MIIP: variants seen among roughly 807,000 people sequenced by gnomAD.
MIIP encodes the protein migration and invasion inhibitory protein.
In MIIP, 44 loss-of-function variants were observed where a neutral mutation model predicts 44.8. The observed-to-expected ratio is 0.98, with a 90% CI of 0.77 to 1.26. The LOEUF is 1.26. MIIP is among the 50% of genes most tolerant of loss of function. The probability of loss-of-function intolerance (pLI) is 0.00; values close to 1 mark genes in which losing one functional copy is unlikely to be tolerated. For missense variants in MIIP, 496 were observed against 511.7 expected (o/e 0.97, Z 0.30); for synonymous variants, 225 against 218.3 (o/e 1.03, Z -0.27).
Position 12,029,893 on chromosome 1 carries a change from A to G in MIIP, c.844A>G (p.Arg282Gly). 6.2e-7 allele frequency: 1 copy of G among 1,612,704 alleles called. No individual in the cohort carries two copies. The highest frequency in any genetic ancestry group is 8.5e-7 in the Non-Finnish European group (1 of 1,179,214). The part of the protein sequence containing the change: ...PGTLAQPAHV[R>G]VSIPLSILEP... The stretch of plus-strand genomic sequence containing the variant: ...GACCCTGGCGCAGCCAGCGCACGTC[A>G]GGTGAGTGACCAGAGTATTGGGACA... Residue 282 changes from arginine (R) to glycine (G), a missense_variant and splice_region_variant, in exon 7 of 10, where the codon AGG (arginine) becomes GGG (glycine). Arg to Gly is a moderately radical substitution (Grantham distance 125). Coordinates refer to ENST00000235332, the MANE Select transcript of MIIP (RefSeq NM_021933.4).
At chr1:12,024,778 A>T (rs1484378709) in intron 4 of MIIP, among the ~76,000 whole-genome samples, 1 of 152,196 alleles carries the variant, frequency 6.6e-6, no homozygotes, top group Non-Finnish European at 1.5e-5. Flanking sequence ...AGCTATCATT[A>T]CTACCATCCA....
In MIIP at chr1:12,031,379, C is replaced by G. The variant is rs368741940; in HGVS notation, c.1056C>G (p.Ser352=). 2 of 1,613,696 alleles carry G rather than the reference C, an allele frequency of 1.2e-6. No homozygotes were observed. The highest frequency in any genetic ancestry group is 3.3e-5 in the Admixed American group (2 of 59,976). Residue 352 remains serine (S), a synonymous_variant, in exon 9 of 10, where the codon TCC becomes TCG. Coordinates refer to ENST00000235332, the MANE Select transcript of MIIP (RefSeq NM_021933.4). ...VSAEAQHQKL[S]GTSSPFHPAS... The stretch of plus-strand genomic sequence containing the variant: ...CTGAGGCCCAGCACCAGAAGCTGTC[C>G]GGCACCAGCAGCCCTTTTCACCCGG...
Position 12,029,014 on chromosome 1 carries a change from G to A in MIIP, c.548-19G>A, listed in dbSNP as rs935741896. On this transcript the variant is annotated intron_variant, in intron 4 of 9. Coordinates refer to ENST00000235332, the MANE Select transcript of MIIP (RefSeq NM_021933.4). ...CCAGCCCCTCTCCCGTCAGCTGCCT[G>A]GTGCTTTGCCCACACCAGGGTCTCT... The A allele has an allele frequency of 3.7e-6, 6 of 1,601,396 alleles. No individual in the cohort carries two copies. In the African/African-American group the frequency reaches 8.0e-5, roughly 21 times the overall value.
intron 4 of MIIP, 140 bp downstream of exon 4, chr1:12,023,057 C>CTAT: frequency 3.8e-6 from 2 of 522,128 alleles, no homozygotes; most frequent in Non-Finnish European, 6.6e-6. Flanking sequence ...GGGGAGCACC[C>CTAT]TCTTTTTTTT....
chr1:12,023,777 C>T (rs1478213064), intron 4 of MIIP, among the ~76,000 whole-genome samples: 1 of 151,530 alleles, frequency 6.6e-6, no homozygotes, highest in Non-Finnish European at 1.5e-5. Flanking sequence ...GGGCGGATCA[C>T]GAGGTCAGGA....
Position 12,029,278 on chromosome 1 carries a change from G to A in MIIP, c.712G>A (p.Glu238Lys), listed in dbSNP as rs1281227455. ...SSGSGVEEDH[E>K]CVYCYRVNRR... ...TGGCAGCGGCGTGGAGGAAGACCAT[G>A]AATGTGAGTGCGGGCCCTCGGCTAG... is the stretch of plus-strand genomic sequence containing the variant. Residue 238 changes from glutamate (E) to lysine (K), a missense_variant, in exon 6 of 10, where the codon GAA (glutamate) becomes AAA (lysine). Transcript: ENST00000235332. 1 of 1,613,188 alleles carries A rather than the reference G, an allele frequency of 6.2e-7. No homozygotes were observed. Among genetic ancestry groups the A allele is most frequent in the Non-Finnish European group, 8.5e-7 (1 of 1,179,752 alleles).
chr1:12,031,267 A>G lies in MIIP; in HGVS notation c.944A>G (p.His315Arg), dbSNP rs773587785. 2.5e-6 allele frequency: 4 copies of G among 1,613,406 alleles called. No individual in the cohort carries two copies. Among genetic ancestry groups the G allele is most frequent in the Non-Finnish European group, 8.5e-7 (1 of 1,179,660 alleles). ...DASDTLALPR[H>R]CLLGWDIFPP... ...CTTTTAACTCCTTGCCTTCCACAGC[A>G]CTGCCTGCTGGGCTGGGACATTTTT... is the stretch of plus-strand genomic sequence containing the variant. Residue 315 changes from histidine (H) to arginine (R), a missense_variant and splice_region_variant, in exon 9 of 10, where the codon CAC (histidine) becomes CGC (arginine). His to Arg is a conservative substitution (Grantham distance 29). Coordinates refer to ENST00000235332, the MANE Select transcript of MIIP (RefSeq NM_021933.4).
In MIIP at chr1:12,030,025, C is replaced by T. The variant is rs772112877; in HGVS notation, c.846-3C>T. ...AGGGGTCCCCCACTGCCCCCCTGCG[C>T]AGGGTGAGCATCCCGCTGTCGATCC... On this transcript the variant is annotated splice_region_variant and splice_polypyrimidine_tract_variant and intron_variant, in intron 7 of 9. Coordinates refer to ENST00000235332, the MANE Select transcript of MIIP (RefSeq NM_021933.4). 1 of 1,613,366 alleles carries T rather than the reference C, an allele frequency of 6.2e-7. No individual in the cohort carries two copies. Among genetic ancestry groups the T allele is most frequent in the Non-Finnish European group, 8.5e-7 (1 of 1,179,790 alleles).
chr1:12,023,209 G>A (rs1325234635), intron 4 of MIIP, among the ~76,000 whole-genome samples: 1 of 150,506 alleles, frequency 6.6e-6, no homozygotes. Flanking sequence ...GATTACAGGC[G>A]AGCACCACCA....
intron 1 of MIIP, 72 bp from the exon 2 acceptor site, chr1:12,021,571 AAG>A: frequency 1.6e-6 from 1 of 643,490 alleles, no homozygotes; most frequent in Non-Finnish European, 2.7e-6. Flanking sequence ...AGTACAGTTA[AAG>A]AGTGTCGAAT....
At chr1:12,022,010 G>A in intron 2 of MIIP, 85 bp from the exon 3 acceptor site, 2 of 1,454,594 alleles carry the variant, frequency 1.4e-6, no homozygotes, top group Non-Finnish European at 1.9e-6. Flanking sequence ...GGAGCAGGAT[G>A]AGGATGCTTG....
rs767205944 is a variant in MIIP at position 12,031,328 on chromosome 1, C to A, written c.1005C>A (p.Asn335Lys). The A allele has an allele frequency of 3.4e-5, 55 of 1,613,880 alleles. No individual in the cohort carries two copies. The highest frequency in any genetic ancestry group is 3.3e-4 in the Middle Eastern group (2 of 6,080). Residue 335 changes from asparagine (N) to lysine (K), a missense_variant, in exon 9 of 10, where the codon AAC (asparagine) becomes AAA (lysine). By Grantham distance (94) the Asn-to-Lys change is moderately conservative. Transcript: ENST00000235332. Reference protein sequence around the residue: ...PKSEKSSAPRNLDLWSSVSAE... With the variant: ...PKSEKSSAPRKLDLWSSVSAE... Reference sequence around the variant, plus strand: ...CTGAGAAAAGCTCAGCCCCCAGGAACCTGGACCTCTGGTCCTCTGTCTCCG... The same window carrying A: ...CTGAGAAAAGCTCAGCCCCCAGGAAACTGGACCTCTGGTCCTCTGTCTCCG...
rs140672560 is a variant in MIIP, at chr1:12,030,046, G to A, written c.864G>A (p.Ser288=). ...PAHVRVSIPL[S]ILEPPHRYHI... ...TGCGCAGGGTGAGCATCCCGCTGTC[G>A]ATCCTGGAGCCCCCGCACCGGTACC... The change falls in exon 8 of 10, where the codon TCG becomes TCA. Residue 288 remains serine (S), a synonymous_variant. Coordinates refer to ENST00000235332, the MANE Select transcript of MIIP (RefSeq NM_021933.4). The A allele has an allele frequency of 1.2e-6, 2 of 1,613,406 alleles. No individual in the cohort carries two copies. The highest frequency in any genetic ancestry group is 1.3e-5 in the African/African-American group (1 of 74,906).
At chr1:12,022,792 C>T in intron 3 of MIIP, 41 bp from the exon 4 acceptor site, 1 of 1,507,920 alleles carries the variant, frequency 6.6e-7, no homozygotes, top group Non-Finnish European at 9.1e-7. Context: ...TGGGCCAGGC[C>T]TCTTGGCTTA....
At position 12,022,482 on chromosome 1, in the gene MIIP, T is replaced by G. The variant is rs1640004537; in HGVS notation, c.462+40T>G. On this transcript the variant is annotated intron_variant, in intron 3 of 9. Transcript: ENST00000235332. ...CGGGACATCTGCTGATGGGAGGAGC[T>G]TCCTTGGGCCTCAGTTTCCCTATCT... The G allele has an allele frequency of 2.1e-6, 3 of 1,434,394 alleles. No individual in the cohort carries two copies. In the South Asian group the frequency reaches 4.3e-5, roughly 21 times the overall value. The allele number at this position is 1,434,394 out of a possible 1,614,324, so 88.9% of individuals were successfully genotyped here.
intron 1 of MIIP, among the ~76,000 whole-genome samples, chr1:12,020,493 C>T (rs1289933301): frequency 1.3e-5 from 2 of 152,194 alleles, no homozygotes; most frequent in Non-Finnish European, 2.9e-5. Flanking sequence ...AAGCACTGTA[C>T]TGAGTGCTTT....
At chr1:12,023,868 C>T (rs937147315) in intron 4 of MIIP, 4 of 152,058 alleles carry the variant, frequency 2.6e-5, no homozygotes, top group Non-Finnish European at 5.9e-5. Flanking sequence ...GTGGCACGGG[C>T]TTATAATCCC....
intron 1 of MIIP, 100 bp from the exon 2 acceptor site, chr1:12,021,545 A>G (rs969378782): frequency 1.7e-6 from 1 of 591,054 alleles, no homozygotes; most frequent in Non-Finnish European, 3.0e-6. Context: ...GAGAAGTTAA[A>G]TAACTTGCCT....
At position 12,031,614 on chromosome 1, in the gene MIIP, C is replaced by A. The variant is rs1640244595; in HGVS notation, c.1081-108C>A. 5 of 1,612,276 alleles carry A rather than the reference C, an allele frequency of 3.1e-6. No individual in the cohort carries two copies. In the Admixed American group the frequency reaches 8.4e-5, roughly 27 times the overall value. ...CTCCCTGCCGCCTGCCCTGCTCCAC[C>A]CAGGAAGGCCACCCTGACTGCAAGA... On this transcript the variant is annotated intron_variant, in intron 9 of 9. Coordinates refer to ENST00000235332, the MANE Select transcript of MIIP (RefSeq NM_021933.4).
Sources: gnomAD v4.1 joint callset for allele counts (sites outside exome capture counted in the v4.1 genomes callset) on GRCh38, gnomAD v4.1.1 for gene constraint, MANE v1.5 for transcripts, NCBI Gene and HGNC (gene_info 2026-07-23, HGNC 2026-07-21) for gene names.